Variants in SNTG1 observed in about 807,000 individuals in gnomAD.
SNTG1 encodes the protein syntrophin gamma 1, also known as gamma-1-syntrophin.
Under a neutral mutation model 74.7 loss-of-function variants are expected in SNTG1, and 39 were observed. The observed-to-expected ratio is 0.52, with a 90% confidence interval of 0.40 to 0.68. SNTG1 has a LOEUF of 0.68. Ranked by LOEUF, SNTG1 falls within the 30% of genes least tolerant of loss-of-function variation. The pLI, the probability that SNTG1 is intolerant of heterozygous loss-of-function variation, is 0.00. For synonymous variants in SNTG1, 254 were observed against 217.1 expected (o/e 1.17, Z -1.49); for missense variants, 685 against 609.5 (o/e 1.12, Z -1.30).
At position 50,691,544 on chromosome 8, in the gene SNTG1, A is replaced by C. The variant is rs2095379481; in HGVS notation, c.1039-13056A>C. Among the ~76,000 whole-genome samples, 3 of 152,276 alleles carry C rather than the reference A, an allele frequency of 2.0e-5. No homozygotes were observed. In the South Asian group the frequency reaches 6.2e-4, roughly 32 times the overall value. ...GCTGGATATGAAATTCTGGGTTGAA[A>C]ATTCTTTTCTTTAAGAATGTTGAAT... On this transcript the variant is annotated intron_variant, in intron 15 of 18. Transcript: ENST00000642720.
chr8:50,776,382 A>G (rs1206124644), intron 18 of SNTG1, among the ~76,000 whole-genome samples: 1 of 147,576 alleles, frequency 6.8e-6, no homozygotes, highest in Non-Finnish European at 1.5e-5. Flanking sequence ...TACCTATTTT[A>G]TTATATTTTA....
At chr8:50,534,942 C>G (rs541297965) in intron 10 of SNTG1, among the ~76,000 whole-genome samples, 1 of 151,976 alleles carries the variant, frequency 6.6e-6, no homozygotes, top group African/African-American at 2.4e-5. Flanking sequence ...GAATGCCCTC[C>G]CTAAAAGTTC....
Position 50,266,683 on chromosome 8 carries a change from T to TAC in SNTG1, c.-28+94048_-28+94049insAC, listed in dbSNP as rs2087492605. The stretch of plus-strand genomic sequence containing the variant: ...GTGTGTGTGTGTGTGTGTGTGTGTG[T>TAC]GTATATATATATATATGAATGATAC... On this transcript the variant is annotated intron_variant, in intron 2 of 18. Coordinates refer to ENST00000642720, the MANE Select transcript of SNTG1 (RefSeq NM_018967.5). 1.8e-4 allele frequency among the ~76,000 whole-genome samples: 21 copies of TAC among 115,376 alleles called. 1 individual carries two copies. The Admixed American group carries it at 2.1e-3, about 11-fold the overall frequency. 75.7% of individuals were successfully genotyped at this position (115,376 alleles called of 152,430 possible).
intron 2 of SNTG1, among the ~76,000 whole-genome samples, chr8:50,266,810 G>C (rs1363731350): frequency 6.6e-6 from 1 of 151,536 alleles, no homozygotes; most frequent in Admixed American, 6.6e-5. Flanking sequence ...TTGCCCCCCG[G>C]TTTTGAGCCA....
rs7017553 is a variant in SNTG1, at chr8:50,140,290, T to C, written c.-102-32271T>C. Among the ~76,000 whole-genome samples the C allele has an allele frequency of 6.8e-3, 1,035 of 152,262 alleles. 8 individuals are homozygous for C. The highest frequency in any genetic ancestry group is 0.024 in the African/African-American group (995 of 41,558). ...GGATCCCACATTGTCACACATGGCA[T>C]TGCATCTTTCCAGTTGTATCCATGT... On this transcript the variant is annotated intron_variant, in intron 1 of 18. Coordinates refer to ENST00000642720, the MANE Select transcript of SNTG1 (RefSeq NM_018967.5).
In SNTG1 at chr8:49,969,385, A is replaced by ATATTTTTTTTTTTTTTTTTTT. The variant is rs1811434626; in HGVS notation, c.-103+57155_-103+57156insATTTTTTTTTTTTTTTTTTTT. On this transcript the variant is annotated intron_variant, in intron 1 of 18. Coordinates refer to ENST00000642720, the MANE Select transcript of SNTG1 (RefSeq NM_018967.5). ...GCAAATACACATTTTAATTCATTTA[A>ATATTTTTTTTTTTTTTTTTTT]TCTTTTTTTTTTTTTTTTTTTTTTT... 7.7e-5 allele frequency among the ~76,000 whole-genome samples: 9 copies of ATATTTTTTTTTTTTTTTTTTT among 116,628 alleles called. 4 individuals carry two copies. Among genetic ancestry groups the ATATTTTTTTTTTTTTTTTTTT allele is most frequent in the Non-Finnish European group, 1.2e-4 (7 of 58,524 alleles). 76.5% of individuals were successfully genotyped at this position (116,628 alleles called of 152,430 possible). A position where few individuals can be genotyped will look rare whatever the true frequency, so the allele number is the denominator to read the frequency against.
At chr8:50,461,339 T>C (rs566547863) in intron 8 of SNTG1, among the ~76,000 whole-genome samples, 31 of 152,238 alleles carry the variant, frequency 2.0e-4, no homozygotes, top group African/African-American at 7.0e-4. Context: ...CTGTCTGAGA[T>C]AGAGTTTTTC....
At chr8:50,751,980 T>C in intron 17 of SNTG1, 21 bp from the exon 18 acceptor site, 1 of 1,201,044 alleles carries the variant, frequency 8.3e-7, no homozygotes, top group Non-Finnish European at 1.1e-6. Context: ...CGACTTACAT[T>C]GTTTTTTTTC....
chr8:50,357,048 C>CT (rs1053332712), intron 2 of SNTG1, among the ~76,000 whole-genome samples: 10 of 152,190 alleles, frequency 6.6e-5, no homozygotes, highest in Non-Finnish European at 1.3e-4. Flanking sequence ...AGCACATGAA[C>CT]TTTTTTTCTC....
intron 1 of SNTG1, among the ~76,000 whole-genome samples, chr8:50,091,217 G>A (rs1019502192): frequency 5.9e-5 from 9 of 151,802 alleles, no homozygotes; most frequent in African/African-American, 2.2e-4. Context: ...ATACTTACAC[G>A]TGGTAAAATG....
At chr8:50,535,258 T>C (rs1258283952) in intron 10 of SNTG1, among the ~76,000 whole-genome samples, 1 of 152,156 alleles carries the variant, frequency 6.6e-6, no homozygotes, top group Non-Finnish European at 1.5e-5. Context: ...AATGGACTAC[T>C]CAGTTGGGAA....
chr8:50,042,190 G>A (rs1039141442), intron 1 of SNTG1, among the ~76,000 whole-genome samples: 2 of 152,008 alleles, frequency 1.3e-5, no homozygotes, highest in Admixed American at 1.3e-4. Flanking sequence ...CTTTCAATAA[G>A]CAACAATTAA....
intron 2 of SNTG1, among the ~76,000 whole-genome samples, chr8:50,206,567 C>T (rs2084248463): frequency 1.3e-5 from 2 of 152,104 alleles, no homozygotes; most frequent in South Asian, 4.1e-4. Context: ...TTTCTTTCTC[C>T]TTCCTGATTG....
intron 1 of SNTG1, among the ~76,000 whole-genome samples, chr8:50,131,519 G>C (rs1044832171): frequency 6.6e-5 from 10 of 152,022 alleles, no homozygotes; most frequent in African/African-American, 2.4e-4. Flanking sequence ...TATTAAGGCT[G>C]AATAATATTC....
At chr8:50,413,722 T>C (rs905759084) in intron 4 of SNTG1, among the ~76,000 whole-genome samples, 2 of 152,234 alleles carry the variant, frequency 1.3e-5, no homozygotes, top group South Asian at 2.1e-4. Flanking sequence ...ATCAGCTCCC[T>C]GGATTCTCCA....
chr8:49,969,262 AGAGAGGCATTAATGC>A (rs1170331176), intron 1 of SNTG1, among the ~76,000 whole-genome samples: 2 of 152,172 alleles, frequency 1.3e-5, no homozygotes, highest in East Asian at 3.9e-4. Context: ...AATAATTCAG[AGAGAGGCATTAATGC>A]GAGGAAACCT....
chr8:50,218,275 G>T (rs2084893317), intron 2 of SNTG1, among the ~76,000 whole-genome samples: 1 of 152,138 alleles, frequency 6.6e-6, no homozygotes, highest in Non-Finnish European at 1.5e-5. Flanking sequence ...CTGAATGCAC[G>T]TTTAGCACTG....
At chr8:50,031,463 T>A (rs1817733921) in intron 1 of SNTG1, among the ~76,000 whole-genome samples, 1 of 152,066 alleles carries the variant, frequency 6.6e-6, no homozygotes, top group Admixed American at 6.5e-5. Flanking sequence ...ATGAACTGTA[T>A]GTTTTCGTAG....
intron 2 of SNTG1, among the ~76,000 whole-genome samples, chr8:50,280,111 G>A (rs1293655307): frequency 1.3e-5 from 2 of 152,102 alleles, no homozygotes; most frequent in Non-Finnish European, 2.9e-5. Flanking sequence ...GCATATTCTG[G>A]CCTCCTACAG....
Sources: allele counts gnomAD v4.1 joint callset (sites outside exome capture counted in the v4.1 genomes callset), GRCh38; gene constraint gnomAD v4.1.1; transcripts MANE v1.5; gene names NCBI Gene and HGNC (gene_info 2026-07-23, HGNC 2026-07-21).